SLC1A2: variants seen among roughly 807,000 people sequenced by gnomAD.
SLC1A2 encodes solute carrier family 1 member 2, also known as excitatory amino acid transporter 2.
SLC1A2 carries 15 observed loss-of-function variants against 48.8 expected under a neutral mutation model. That is an observed-to-expected ratio of 0.31 (90% CI 0.21 to 0.47). SLC1A2 has a LOEUF of 0.47. SLC1A2 is among the 20% of genes least tolerant of loss of function. The pLI, the probability that SLC1A2 is intolerant of heterozygous loss-of-function variation, is 0.99. For missense variants in SLC1A2, 502 were observed against 730.5 expected (o/e 0.69, Z 3.61); for synonymous variants, 279 against 272.6 (o/e 1.02, Z -0.23).
At chr11:35,268,470 C>T (rs1850170744) in intron 9 of SLC1A2, among the ~76,000 whole-genome samples, 1 of 151,934 alleles carries the variant, frequency 6.6e-6, no homozygotes, top group African/African-American at 2.4e-5. Context: ...TGAGGTCAGG[C>T]ATTTGAGACC....
At chr11:35,309,499 C>T (rs560044681) in intron 4 of SLC1A2, among the ~76,000 whole-genome samples, 1 of 152,280 alleles carries the variant, frequency 6.6e-6, no homozygotes, top group East Asian at 1.9e-4. Context: ...TCAAAGTAAG[C>T]CCCAGAAAGC....
At chr11:35,325,791 T>C (rs1159227134) in intron 1 of SLC1A2, among the ~76,000 whole-genome samples, 7 of 151,720 alleles carry the variant, frequency 4.6e-5, no homozygotes, top group African/African-American at 1.7e-4. Flanking sequence ...AGTGAAACCC[T>C]GTCTCTACTA....
intron 10 of SLC1A2, among the ~76,000 whole-genome samples, chr11:35,263,737 G>A (rs1393368136): frequency 6.6e-6 from 1 of 152,142 alleles, no homozygotes; most frequent in Non-Finnish European, 1.5e-5. Context: ...AATAATTTGA[G>A]TTCAAGTCTT....
chr11:35,381,925 A>G (rs748415357), intron 1 of SLC1A2, among the ~76,000 whole-genome samples: 1 of 152,214 alleles, frequency 6.6e-6, no homozygotes, highest in Admixed American at 6.5e-5. Context: ...TGAAGTGACA[A>G]TGAAGAAAAT....
intron 1 of SLC1A2, among the ~76,000 whole-genome samples, chr11:35,321,577 T>C (rs1852068477): frequency 1.3e-5 from 2 of 151,934 alleles, no homozygotes. Context: ...TTCAAATGAA[T>C]ATGTAATAAG....
At chr11:35,274,799 AG>A (rs1850387939) in intron 9 of SLC1A2, among the ~76,000 whole-genome samples, 1 of 152,234 alleles carries the variant, frequency 6.6e-6, no homozygotes, top group South Asian at 2.1e-4. Flanking sequence ...CTTTCAAACG[AG>A]CCCATGTAAA....
chr11:35,385,013 C>T (rs1185926095), intron 1 of SLC1A2, among the ~76,000 whole-genome samples: 1 of 152,046 alleles, frequency 6.6e-6, no homozygotes, highest in African/African-American at 2.4e-5. Flanking sequence ...GTGGTTTATA[C>T]AAAGATAAAC....
chr11:35,338,364 G>A (rs1019922638), intron 1 of SLC1A2, among the ~76,000 whole-genome samples: 1 of 151,818 alleles, frequency 6.6e-6, no homozygotes, highest in South Asian at 2.1e-4. Flanking sequence ...CTATCCTCTC[G>A]ACTTCTCAGG....
chr11:35,377,133 T>C (rs1854263726), intron 1 of SLC1A2, among the ~76,000 whole-genome samples: 1 of 152,082 alleles, frequency 6.6e-6, no homozygotes, highest in Admixed American at 6.5e-5. Flanking sequence ...CATTTAGCGC[T>C]CACTACATCC....
In SLC1A2 at chr11:35,314,523, G is replaced by A. The variant is rs191333579; in HGVS notation, c.310+500C>T. Reference sequence around the variant, plus strand: ...AGGTCAGGAGTTCGAGACCAGCTTGGCCAATATGGTGAAACCCTGTCTCTA... The same window carrying A: ...AGGTCAGGAGTTCGAGACCAGCTTGACCAATATGGTGAAACCCTGTCTCTA... On this transcript the variant is annotated intron_variant, in intron 3 of 10. Coordinates refer to ENST00000278379, the MANE Select transcript of SLC1A2 (RefSeq NM_004171.4). Among the ~76,000 whole-genome samples the A allele has an allele frequency of 5.3e-5, 8 of 152,142 alleles. No individual in the cohort carries two copies. In the East Asian group the frequency reaches 1.5e-3, roughly 29 times the overall value.
chr11:35,390,255 TC>T (rs930717353), intron 1 of SLC1A2, among the ~76,000 whole-genome samples: 26 of 152,190 alleles, frequency 1.7e-4, no homozygotes, highest in Admixed American at 1.4e-3. Flanking sequence ...GTCTTCTTTT[TC>T]TCATGATGTC....
intron 1 of SLC1A2, among the ~76,000 whole-genome samples, chr11:35,357,823 T>C (rs1853536997): frequency 6.6e-6 from 1 of 152,130 alleles, no homozygotes; most frequent in African/African-American, 2.4e-5. Context: ...TATAGTATAT[T>C]AAAATGGTTT....
intron 3 of SLC1A2, among the ~76,000 whole-genome samples, chr11:35,313,602 C>A (rs912353448): frequency 1.3e-5 from 2 of 152,168 alleles, no homozygotes; most frequent in Non-Finnish European, 2.9e-5. Context: ...ATTAAGCTGA[C>A]CTACGTGTGA....
chr11:35,290,938 T>C (rs865923573), intron 7 of SLC1A2, among the ~76,000 whole-genome samples: 10 of 152,162 alleles, frequency 6.6e-5, no homozygotes, highest in Admixed American at 2.6e-4. Context: ...ATGGAAGTTT[T>C]ATTTGGCTTC....
chr11:35,347,498 G>C (rs1159455454), intron 1 of SLC1A2, among the ~76,000 whole-genome samples: 2 of 152,216 alleles, frequency 1.3e-5, no homozygotes, highest in African/African-American at 2.4e-5. Flanking sequence ...GGATTCCAAG[G>C]CTGAATCTTC....
chr11:35,349,151 G>A (rs919234090), intron 1 of SLC1A2, among the ~76,000 whole-genome samples: 2 of 152,148 alleles, frequency 1.3e-5, no homozygotes, highest in Admixed American at 6.5e-5. Flanking sequence ...CTGGAGGCAG[G>A]GATGTAGATG....
chr11:35,292,610 G>T (rs1003955236), intron 6 of SLC1A2, 90 bp from the exon 7 acceptor site: 2 of 703,072 alleles, frequency 2.8e-6, no homozygotes, highest in East Asian at 2.6e-5. Context: ...TGAGGAAAAC[G>T]CTTGGCTCTT....
intron 9 of SLC1A2, among the ~76,000 whole-genome samples, chr11:35,274,229 T>C (rs1376243146): frequency 6.6e-6 from 1 of 152,234 alleles, no homozygotes; most frequent in South Asian, 2.1e-4. Context: ...CCCTTTGCTA[T>C]GAACATGCAT....
chr11:35,367,430 G>A (rs1237038495), intron 1 of SLC1A2, among the ~76,000 whole-genome samples: 1 of 152,228 alleles, frequency 6.6e-6, no homozygotes, highest in Non-Finnish European at 1.5e-5. Flanking sequence ...CTGATCCTGA[G>A]CTTAAGTTCC....
Sources: gnomAD v4.1 joint callset for allele counts (sites outside exome capture counted in the v4.1 genomes callset) on GRCh38, gnomAD v4.1.1 for gene constraint, MANE v1.5 for transcripts, NCBI Gene and HGNC (gene_info 2026-07-23, HGNC 2026-07-21) for gene names.